Variants in ZNF407 observed in about 807,000 individuals in gnomAD.
ZNF407 encodes the protein zinc finger protein 407.
ZNF407 carries 17 observed loss-of-function variants against 131.2 expected under a neutral mutation model. The ratio of observed to expected loss-of-function variants is 0.13; its 90% CI spans 0.09 to 0.19. ZNF407 has a LOEUF of 0.19. ZNF407 is among the 10% of genes least tolerant of loss of function. The probability of loss-of-function intolerance (pLI) is 1.00; values close to 1 mark genes in which losing one functional copy is unlikely to be tolerated. For synonymous variants in ZNF407, 1,156 were observed against 1,062.0 expected, an observed-to-expected ratio of 1.09 and a Z score of -1.72; for missense variants, 2,681 against 2,830.6, an observed-to-expected ratio of 0.95 and a Z score of 1.20.
intron 8 of ZNF407, among the ~76,000 whole-genome samples, chr18:75,018,614 A>G (rs1973071921): frequency 6.6e-6 from 1 of 152,058 alleles, no homozygotes; most frequent in African/African-American, 2.4e-5. Context: ...TAATAAATTT[A>G]AGATAACTTG....
chr18:74,724,654 A>G (rs922166674), intron 3 of ZNF407, among the ~76,000 whole-genome samples: 2 of 152,162 alleles, frequency 1.3e-5, no homozygotes, highest in African/African-American at 4.8e-5. Flanking sequence ...GTGCTTTCCT[A>G]TGCCATTCAA....
At chr18:74,647,222 C>T (rs557473961) in intron 3 of ZNF407, among the ~76,000 whole-genome samples, 39 of 151,964 alleles carry the variant, frequency 2.6e-4, no homozygotes, top group African/African-American at 8.9e-4. Context: ...GTGGGAGAAT[C>T]GCTTGAGCCC....
intron 3 of ZNF407, among the ~76,000 whole-genome samples, chr18:74,716,259 A>G (rs1035426988): frequency 1.3e-5 from 2 of 152,202 alleles, no homozygotes; most frequent in African/African-American, 4.8e-5. Context: ...CTCTCATGAC[A>G]TGATGTGACC....
At chr18:74,912,780 G>GA (rs912782796) in intron 7 of ZNF407, among the ~76,000 whole-genome samples, 8 of 151,212 alleles carry the variant, frequency 5.3e-5, no homozygotes, top group Non-Finnish European at 8.9e-5. Context: ...AAAGTCAAAA[G>GA]AAAAAAAATG....
chr18:74,804,555 T>C (rs1408894826), intron 4 of ZNF407: 2 of 986,554 alleles, frequency 2.0e-6, no homozygotes, highest in Non-Finnish European at 2.4e-6. Context: ...TGTTTGTATG[T>C]GGAGAGGATA....
At chr18:74,801,322 G>A (rs1291517056) in intron 4 of ZNF407, among the ~76,000 whole-genome samples, 1 of 151,880 alleles carries the variant, frequency 6.6e-6, no homozygotes, top group Non-Finnish European at 1.5e-5. Flanking sequence ...ATTTCATAAG[G>A]CTTCATTTAT....
At chr18:75,014,484 CTGAGTT>C (rs984515311) in intron 8 of ZNF407, among the ~76,000 whole-genome samples, 58 of 152,152 alleles carry the variant, frequency 3.8e-4, no homozygotes, top group African/African-American at 1.3e-3. Flanking sequence ...TCAAGTAACT[CTGAGTT>C]TGCTTTTGAT....
At chr18:75,005,435 G>A (rs1040814120) in intron 8 of ZNF407, among the ~76,000 whole-genome samples, 55 of 152,104 alleles carry the variant, frequency 3.6e-4, no homozygotes, top group Middle Eastern at 3.4e-3. Flanking sequence ...CTTAGCTGGC[G>A]TATTTTCATT....
At chr18:74,764,439 C>T (rs2144982336) in intron 3 of ZNF407, among the ~76,000 whole-genome samples, 1 of 152,184 alleles carries the variant, frequency 6.6e-6, no homozygotes, top group Admixed American at 6.5e-5. Context: ...AAATATCTTC[C>T]ATCTCTCTAC....
intron 3 of ZNF407, among the ~76,000 whole-genome samples, chr18:74,658,977 C>T (rs1985599895): frequency 1.3e-5 from 2 of 152,064 alleles, no homozygotes; most frequent in Admixed American, 1.3e-4. Context: ...ATTGTATACA[C>T]ATGGTGTGTT....
At chr18:74,837,717 A>G (rs902563805) in intron 4 of ZNF407, among the ~76,000 whole-genome samples, 6 of 151,918 alleles carry the variant, frequency 3.9e-5, no homozygotes, top group Admixed American at 3.9e-4. Flanking sequence ...GTAGCTGCCT[A>G]ATCTCGTTCA....
intron 8 of ZNF407, among the ~76,000 whole-genome samples, chr18:75,051,908 T>C (rs959821670): frequency 3.3e-5 from 5 of 152,172 alleles, no homozygotes; most frequent in African/African-American, 9.7e-5. Context: ...CCAGGTTCAT[T>C]TGACACACAG....
At chr18:74,946,670 C>T (rs1972157147) in intron 8 of ZNF407, among the ~76,000 whole-genome samples, 1 of 152,026 alleles carries the variant, frequency 6.6e-6, no homozygotes, top group South Asian at 2.1e-4. Flanking sequence ...AAACTGAAAA[C>T]TGACCATGAT....
chr18:75,002,013 C>T (rs1028802096), intron 8 of ZNF407, among the ~76,000 whole-genome samples: 7 of 152,146 alleles, frequency 4.6e-5, no homozygotes, highest in African/African-American at 1.7e-4. Flanking sequence ...CCAGAATGTC[C>T]AGGAGCCAGG....
chr18:74,920,759 C>A, intron 8 of ZNF407, 67 bp downstream of exon 8: 1 of 1,492,168 alleles, frequency 6.7e-7, no homozygotes, highest in Non-Finnish European at 9.0e-7. Context: ...AGTTATAATG[C>A]TATTTGTACA....
chr18:74,642,023 T>TC (rs1984745354), intron 3 of ZNF407, among the ~76,000 whole-genome samples: 1 of 124 alleles, frequency 8.1e-3, no homozygotes, highest in African/African-American at 0.023. Context: ...TTATATTAGG[T>TC]TTTTTTTTTA....
intron 3 of ZNF407, among the ~76,000 whole-genome samples, chr18:74,656,396 C>A (rs1293310182): frequency 1.3e-5 from 2 of 151,960 alleles, no homozygotes; most frequent in Non-Finnish European, 2.9e-5. Context: ...AAAAGAAAAT[C>A]CTTTTTTTGT....
At chr18:75,013,646 T>C (rs904938964) in intron 8 of ZNF407, among the ~76,000 whole-genome samples, 1 of 152,218 alleles carries the variant, frequency 6.6e-6, no homozygotes, top group South Asian at 2.1e-4. Flanking sequence ...GGGAGCATAA[T>C]TTATTCCATC....
intron 8 of ZNF407, among the ~76,000 whole-genome samples, chr18:74,959,234 G>A (rs972831161): frequency 5.8e-4 from 88 of 152,096 alleles, no homozygotes; most frequent in Non-Finnish European, 8.8e-5. Context: ...GTTCAAGATC[G>A]CAATACTTCA....
Sources: gnomAD v4.1 joint callset for allele counts (sites outside exome capture counted in the v4.1 genomes callset) on GRCh38, gnomAD v4.1.1 for gene constraint, MANE v1.5 for transcripts, NCBI Gene and HGNC (gene_info 2026-07-23, HGNC 2026-07-21) for gene names.